The following PIWIL3 variants were observed in gnomAD, a reference collection of about 807,000 sequenced individuals.
PIWIL3 encodes piwi-like protein 3.
PIWIL3 carries 101 observed loss-of-function variants against 109.7 expected under a neutral mutation model. That is an observed-to-expected ratio of 0.92 (90% confidence interval 0.78 to 1.09). The LOEUF is 1.09. Among genes scored for constraint, PIWIL3 ranks in the 50% least tolerant of loss-of-function variants. The pLI is 0.00. For missense variants in PIWIL3, 1,031 were observed against 1,072.6 expected (o/e 0.96, Z 0.54); for synonymous variants, 373 against 376.4 (o/e 0.99, Z 0.10).
intron 2 of PIWIL3, 69 bp downstream of exon 2, chr22:24,762,325 ACAAC>A: frequency 6.5e-7 from 1 of 1,533,590 alleles, no homozygotes; most frequent in Non-Finnish European, 8.7e-7. Context: ...GCTTCGCTCA[ACAAC>A]CAACTCTATG....
chr22:24,757,073 C>A (rs1209525979), intron 4 of PIWIL3, among the ~76,000 whole-genome samples: 2 of 103,300 alleles, frequency 1.9e-5, no homozygotes, highest in African/African-American at 4.2e-5. Context: ...GAGCTAAACT[C>A]CGTCTCAAAA....
intron 19 of PIWIL3, 94 bp from the exon 20 acceptor site, chr22:24,719,989 T>C (rs1922566314): frequency 9.1e-7 from 1 of 1,097,938 alleles, no homozygotes; most frequent in Non-Finnish European, 1.3e-6. Flanking sequence ...GTATAATTGC[T>C]TACAAAAATC....
chr22:24,720,015 G>T, intron 19 of PIWIL3, 120 bp from the exon 20 acceptor site: 1 of 857,648 alleles, frequency 1.2e-6, no homozygotes, highest in Non-Finnish European at 1.7e-6. Flanking sequence ...TATAGATTAA[G>T]TTTCCTTTAC....
At position 24,719,458 on chromosome 22, in the gene PIWIL3, T is replaced by A; in HGVS notation, c.*14A>T. ...GTTGTGGTTTCATTAGCACATCAGG[T>A]CTTCTTCTGCAGGTCAAAGGTAAAA... On this transcript the variant is annotated 3_prime_UTR_variant, in exon 21 of 21. Transcript: ENST00000616349. 1.3e-6 allele frequency: 2 copies of A among 1,533,248 alleles called. No individual in the cohort carries two copies. The highest frequency in any genetic ancestry group is 1.8e-6 in the Non-Finnish European group (2 of 1,138,764). 95.0% of individuals were successfully genotyped at this position (1,533,248 alleles called of 1,614,324 possible). A position where few individuals can be genotyped will look rare whatever the true frequency, so the allele number is the denominator to read the frequency against.
chr22:24,727,795 T>C (rs188026331), intron 16 of PIWIL3, among the ~76,000 whole-genome samples, 155 bp downstream of exon 16: 38 of 152,312 alleles, frequency 2.5e-4, no homozygotes, highest in Non-Finnish European at 2.8e-4. Context: ...TCTGGGAACA[T>C]AACTTTGCCA....
intron 14 of PIWIL3, among the ~76,000 whole-genome samples, chr22:24,732,899 A>G (rs1923438040): frequency 6.6e-6 from 1 of 152,214 alleles, no homozygotes; most frequent in South Asian, 2.1e-4. Context: ...ATAAGCTGGA[A>G]TTCAAACAGC....
chr22:24,719,527 T>C lies in PIWIL3; in HGVS notation c.2567A>G (p.Gln856Arg). The part of the protein sequence containing the change: ...YAHKLAYLVG[Q>R]SIHQEPNRSL... ...ACGATTCGGTTCCTGGTGAATGGAC[T>C]GCCCCACGAGGTAAGCCAGCTTGTG... Residue 856 changes from glutamine to arginine, a missense_variant, in exon 21 of 21, where the codon CAG (glutamine) becomes CGG (arginine). By Grantham distance (43) the Gln-to-Arg change is conservative. Transcript: ENST00000616349. The C allele has an allele frequency of 6.2e-7, 1 of 1,608,074 alleles. No homozygotes were observed. The highest frequency in any genetic ancestry group is 8.5e-7 in the Non-Finnish European group (1 of 1,178,052).
intron 14 of PIWIL3, among the ~76,000 whole-genome samples, chr22:24,732,332 C>T (rs1923400521): frequency 6.6e-6 from 1 of 152,108 alleles, no homozygotes; most frequent in South Asian, 2.1e-4. Context: ...GGATCATTTC[C>T]ATCCATTTGG....
intron 1 of PIWIL3, among the ~76,000 whole-genome samples, chr22:24,768,754 T>A (rs1408510772): frequency 6.6e-6 from 1 of 152,208 alleles, no homozygotes; most frequent in African/African-American, 2.4e-5. Context: ...GGAGAGAGAT[T>A]TCATTTTCTG....
rs1184509009 is a variant in PIWIL3, at chr22:24,748,994, T to C, written c.1362A>G (p.Gln454=). 1.9e-6 allele frequency: 3 copies of C among 1,613,372 alleles called. No homozygotes were observed. Among genetic ancestry groups the C allele is most frequent in the Admixed American group, 1.7e-5 (1 of 59,842 alleles). ...QDNKKVRELL[Q]LWDLKFDTNF... ...TGGTATCAAATTTCAAATCCCAGAG[T>C]TGAAGTAACTCTCGTACTTTTTTAT... The change falls in exon 12 of 21, where the codon CAA becomes CAG. Residue 454 remains glutamine, a synonymous_variant. Coordinates refer to ENST00000616349, the MANE Select transcript of PIWIL3 (RefSeq NM_001255975.1).
intron 12 of PIWIL3, among the ~76,000 whole-genome samples, chr22:24,744,498 G>A (rs1364273635): frequency 1.3e-5 from 2 of 152,000 alleles, no homozygotes; most frequent in African/African-American, 4.8e-5. Flanking sequence ...GCTTGAACCC[G>A]GGAGGAGGAC....
At chr22:24,765,085 T>C (rs11912167) in intron 1 of PIWIL3, among the ~76,000 whole-genome samples, 12,044 of 152,196 alleles carry the variant, frequency 0.079, 600 homozygotes, top group African/African-American at 0.13. Context: ...AAATTCTAGC[T>C]GTATGATTTG....
rs1475886215 is a variant in PIWIL3 at position 24,735,818 on chromosome 22, A to T, written c.1524T>A (p.His508Gln). The change falls in exon 13 of 21, where the codon CAT (histidine) becomes CAA (glutamine). Residue 508 changes from histidine (H) to glutamine (Q), a missense_variant. His to Gln is a conservative substitution (Grantham distance 24). Transcript: ENST00000616349. ...TCCTGCTATAGAGTATGAGCCAACT[A>T]TGTAGTGGCATTGCATTAAGTAAGG... Reference protein sequence around the residue: ...ELPLLNAMPLHSWLILYSRSS... With the variant: ...ELPLLNAMPLQSWLILYSRSS... The T allele has an allele frequency of 1.2e-6, 2 of 1,613,180 alleles. No homozygotes were observed. The highest frequency in any genetic ancestry group is 4.5e-5 in the East Asian group (2 of 44,840).
chr22:24,721,078 CA>C (rs1922647826), intron 19 of PIWIL3, among the ~76,000 whole-genome samples: 1 of 152,090 alleles, frequency 6.6e-6, no homozygotes, highest in East Asian at 1.9e-4. Context: ...TCCTGAAATA[CA>C]GTCTTTTTGG....
At chr22:24,756,808 G>A (rs546261476) in intron 4 of PIWIL3, 103 bp from the exon 5 acceptor site, 566 of 998,958 alleles carry the variant, frequency 5.7e-4, no homozygotes, top group Non-Finnish European at 7.5e-4. Context: ...GGCTGGGCAC[G>A]GTGGCTCACG....
chr22:24,735,442 G>T (rs1381584089), intron 13 of PIWIL3, among the ~76,000 whole-genome samples: 1 of 152,138 alleles, frequency 6.6e-6, no homozygotes, highest in African/African-American at 2.4e-5. Context: ...TTTAAGTTCA[G>T]TTTTTGGAAA....
At chr22:24,748,728 A>ATTATGT (rs1924519073) in intron 12 of PIWIL3, among the ~76,000 whole-genome samples, 179 bp downstream of exon 12, 2 of 152,240 alleles carry the variant, frequency 1.3e-5, no homozygotes, top group Admixed American at 1.3e-4. Context: ...TACAGAGCTT[A>ATTATGT]CTATGTGCCA....
intron 1 of PIWIL3, among the ~76,000 whole-genome samples, chr22:24,773,703 A>ATTTTT (rs61034646): frequency 2.7e-5 from 3 of 110,206 alleles, no homozygotes; most frequent in African/African-American, 3.6e-5. Context: ...GACACTCTAG[A>ATTTTT]TTTTTTTTTT....
At chr22:24,750,482 A>ATTTTT (rs1241174453) in intron 9 of PIWIL3, among the ~76,000 whole-genome samples, 1,221 of 114,106 alleles carry the variant, frequency 0.011, 107 homozygotes, top group Admixed American at 0.013. Flanking sequence ...ACCACATTTG[A>ATTTTT]TTTTTTTTCT....
Sources: allele counts gnomAD v4.1 joint callset (sites outside exome capture counted in the v4.1 genomes callset), GRCh38; gene constraint gnomAD v4.1.1; transcripts MANE v1.5; gene names NCBI Gene and HGNC (gene_info 2026-07-23, HGNC 2026-07-21).